ANXA13: variants seen among roughly 807,000 people sequenced by gnomAD.
ANXA13 encodes annexin A13, also known as annexin XIII.
A neutral mutation model predicts 46.6 loss-of-function variants in ANXA13; 36 were observed. That is an observed-to-expected ratio of 0.77 (90% confidence interval 0.59 to 1.02). ANXA13 has a LOEUF of 1.02. Among genes scored for constraint, ANXA13 ranks in the 50% least tolerant of loss-of-function variants. The pLI is 0.00. For missense variants in ANXA13, 417 were observed against 396.5 expected (o/e 1.05, Z -0.44); for synonymous variants, 163 against 152.9 (o/e 1.07, Z -0.49).
At chr8:123,684,328 A>G (rs576277052) in intron 10 of ANXA13, among the ~76,000 whole-genome samples, 1 of 152,328 alleles carries the variant, frequency 6.6e-6, no homozygotes, top group African/African-American at 2.4e-5. Flanking sequence ...GCATAGCTGC[A>G]GCCCCTGAGA....
chr8:123,718,785 C>G (rs546734540), intron 1 of ANXA13, among the ~76,000 whole-genome samples: 5 of 152,312 alleles, frequency 3.3e-5, no homozygotes, highest in African/African-American at 1.2e-4. Flanking sequence ...TCCTAGGAAG[C>G]GGTGTCACCT....
chr8:123,735,683 T>C, intron 1 of ANXA13: 1 of 1,468,138 alleles, frequency 6.8e-7, no homozygotes, highest in Non-Finnish European at 9.1e-7. Context: ...GACAGATCAC[T>C]GGGGGCTCAT....
At chr8:123,684,790 T>A in intron 9 of ANXA13, 68 bp from the exon 10 acceptor site, 1 of 1,168,222 alleles carries the variant, frequency 8.6e-7, no homozygotes, top group Non-Finnish European at 1.3e-6. Flanking sequence ...GGGACCCCCC[T>A]AAATGTCACC....
chr8:123,705,930 G>A (rs890369280), intron 2 of ANXA13, among the ~76,000 whole-genome samples: 1 of 152,160 alleles, frequency 6.6e-6, no homozygotes, highest in African/African-American at 2.4e-5. Flanking sequence ...ACAGAGAGGC[G>A]ACTTGGAAAG....
intron 1 of ANXA13, among the ~76,000 whole-genome samples, chr8:123,725,909 G>A (rs1441840214): frequency 6.6e-6 from 1 of 152,144 alleles, no homozygotes; most frequent in African/African-American, 2.4e-5. Flanking sequence ...CTTGAGCTCT[G>A]CCCACCTTAG....
chr8:123,685,407 C>G (rs1271733611), intron 9 of ANXA13, among the ~76,000 whole-genome samples: 1 of 152,134 alleles, frequency 6.6e-6, no homozygotes, highest in African/African-American at 2.4e-5. Context: ...AAGCAGGTGA[C>G]AGGGTGCATC....
At chr8:123,693,537 G>A (rs1366671217) in intron 7 of ANXA13, among the ~76,000 whole-genome samples, 174 bp downstream of exon 7, 1 of 152,092 alleles carries the variant, frequency 6.6e-6, no homozygotes. Flanking sequence ...ATAAGAATAG[G>A]AACCATTCAT....
At chr8:123,712,402 T>C (rs1813677411) in intron 2 of ANXA13, 1 of 484,758 alleles carries the variant, frequency 2.1e-6, no homozygotes, top group Non-Finnish European at 3.8e-6. Context: ...CAGGATTGCA[T>C]GAACTGCACT....
At chr8:123,686,494 A>G (rs1473018421) in intron 9 of ANXA13, among the ~76,000 whole-genome samples, 5 of 142,182 alleles carry the variant, frequency 3.5e-5, no homozygotes, top group East Asian at 2.0e-4. Context: ...AAGAAAGAAA[A>G]AAACCTCTTC....
rs1813381720 is a variant in ANXA13 at position 123,698,388 on chromosome 8, CCTTATTGGT to C, written c.349_357del (p.Thr117_Lys119del). The C allele has an allele frequency of 9.3e-6, 15 of 1,613,912 alleles. No individual in the cohort carries two copies. Among genetic ancestry groups the C allele is most frequent in the Non-Finnish European group, 1.2e-5 (14 of 1,179,878 alleles). On this transcript the variant is annotated inframe_deletion and splice_region_variant, in exon 4 of 11. Transcript: ENST00000419625. Reference sequence around the variant, plus strand: ...CCCTTGCGGGCTCAGCTGGGACTGACCTTATTGGTCCTCGTGCACAGGACCTCAATGAGG... The same window carrying C: ...CCCTTGCGGGCTCAGCTGGGACTGACCCTCGTGCACAGGACCTCAATGAGG...
intron 2 of ANXA13, among the ~76,000 whole-genome samples, chr8:123,704,774 T>C (rs1813510103): frequency 6.6e-6 from 1 of 152,180 alleles, no homozygotes; most frequent in South Asian, 2.1e-4. Flanking sequence ...CTTTCTCCTC[T>C]CCATCACCTC....
intron 2 of ANXA13, among the ~76,000 whole-genome samples, chr8:123,708,183 C>CT (rs1563613023): frequency 6.6e-6 from 1 of 152,160 alleles, no homozygotes; most frequent in African/African-American, 2.4e-5. Flanking sequence ...CTGGGAAAGG[C>CT]TTTTTTAAAA....
chr8:123,722,284 G>A (rs1174951455), intron 1 of ANXA13, among the ~76,000 whole-genome samples: 1 of 151,392 alleles, frequency 6.6e-6, no homozygotes, highest in East Asian at 1.9e-4. Context: ...CTACACTCCA[G>A]CCTGGGTGAC....
rs754525296 is a variant in ANXA13 at position 123,690,364 on chromosome 8, G to A, written c.643-1418C>T. Among the ~76,000 whole-genome samples, 22 of 152,302 alleles carry A rather than the reference G, an allele frequency of 1.4e-4. No individual in the cohort carries two copies. Among genetic ancestry groups the A allele is most frequent in the African/African-American group, 5.3e-4 (22 of 41,566 alleles). ...AGAAAGCAGAGCTGTGCTGGGAGGCGGGAGGTGGGCTCCTTTCCCTTGCCA... is the reference window on the plus strand; with the variant it reads ...AGAAAGCAGAGCTGTGCTGGGAGGCAGGAGGTGGGCTCCTTTCCCTTGCCA... On this transcript the variant is annotated intron_variant, in intron 8 of 10. Transcript: ENST00000419625. The surrounding 1 kb of genome is among the most constrained non-coding windows in gnomAD (Gnocchi z 4.6).
chr8:123,709,719 G>T, intron 2 of ANXA13, among the ~76,000 whole-genome samples: 1 of 152,098 alleles, frequency 6.6e-6, no homozygotes, highest in Non-Finnish European at 1.5e-5. Flanking sequence ...CATTTCTTGG[G>T]CAAGGCTACC....
chr8:123,681,452 C>T, intron 10 of ANXA13, 93 bp from the exon 11 acceptor site: 1 of 1,298,396 alleles, frequency 7.7e-7, no homozygotes, highest in Non-Finnish European at 1.1e-6. Flanking sequence ...CTCATTTGCT[C>T]ATTCATGCCT....
chr8:123,725,861 G>C (rs1053299052), intron 1 of ANXA13, among the ~76,000 whole-genome samples: 1 of 152,152 alleles, frequency 6.6e-6, no homozygotes, highest in African/African-American at 2.4e-5. Context: ...AATCTGCGGG[G>C]GTTGATCAGA....
At chr8:123,735,639 G>C (rs540442916) in intron 1 of ANXA13, 47 of 1,267,148 alleles carry the variant, frequency 3.7e-5, no homozygotes, top group Admixed American at 5.6e-5. Context: ...AGTCACACCT[G>C]ATGATGGCTG....
intron 2 of ANXA13, among the ~76,000 whole-genome samples, chr8:123,703,081 A>G (rs561181392): frequency 1.3e-5 from 2 of 152,332 alleles, no homozygotes; most frequent in South Asian, 4.1e-4. Context: ...ATTACTCATA[A>G]TAGCTCAAAC....
Sources: allele counts gnomAD v4.1 joint callset (sites outside exome capture counted in the v4.1 genomes callset), GRCh38; gene constraint gnomAD v4.1.1; non-coding constraint Gnocchi (gnomAD v3.1); transcripts MANE v1.5; gene names NCBI Gene and HGNC (gene_info 2026-07-23, HGNC 2026-07-21).